Variants in ISM2 observed in about 807,000 individuals in gnomAD.
The protein encoded by ISM2 is isthmin 2.
Under a neutral mutation model 58.0 loss-of-function variants are expected in ISM2, and 50 were observed. The ratio of observed to expected loss-of-function variants is 0.86; its 90% CI spans 0.69 to 1.09. The LOEUF (loss-of-function observed/expected upper bound fraction) is 1.09. Among genes scored for constraint, ISM2 ranks in the 50% least tolerant of loss-of-function variants. The probability of loss-of-function intolerance (pLI) is 0.00; values close to 1 mark genes in which losing one functional copy is unlikely to be tolerated. For missense variants in ISM2, 723 were observed against 745.0 expected (o/e 0.97, Z 0.34); for synonymous variants, 303 against 312.4 (o/e 0.97, Z 0.32).
At position 77,489,655 on chromosome 14, in the gene ISM2, G is replaced by T. The variant is rs1594952991; in HGVS notation, c.142-4736C>A. Among the ~76,000 whole-genome samples, 3 of 152,086 alleles carry T rather than the reference G, an allele frequency of 2.0e-5. No individual in the cohort carries two copies. The South Asian group carries it at 6.2e-4, about 32-fold the overall frequency. On this transcript the variant is annotated intron_variant, in intron 1 of 6. Coordinates refer to ENST00000342219, the MANE Select transcript of ISM2 (RefSeq NM_199296.3). ...CAGCCTCCTGAGTAGCTGGGATTAG[G>T]TATGTACTATTCTAAGCCAACCCAC...
chr14:77,487,387 C>T (rs572015794), intron 1 of ISM2, among the ~76,000 whole-genome samples: 2 of 152,304 alleles, frequency 1.3e-5, no homozygotes, highest in East Asian at 3.9e-4. Flanking sequence ...AGAGAAGCCT[C>T]TGTGAGCTTC....
At chr14:77,498,405 A>T in intron 1 of ISM2, 3 of 1,274,220 alleles carry the variant, frequency 2.4e-6, no homozygotes, top group Non-Finnish European at 3.2e-6. Flanking sequence ...CACAGAAGTC[A>T]AACTTGTCAC....
In ISM2 at chr14:77,475,688, G is replaced by A. The variant is rs376932953; in HGVS notation, c.1623C>T (p.His541=). The change falls in exon 7 of 7, where the codon CAC becomes CAT. Residue 541 remains histidine, a synonymous_variant. Coordinates refer to ENST00000342219, the MANE Select transcript of ISM2 (RefSeq NM_199296.3). The surrounding 1 kb of genome is among the most constrained non-coding windows in gnomAD (Gnocchi z 4.1). ...ILCKGDWSRL[H]AVLPPNNGRA... is the part of the protein sequence containing the mutation. ...GGCCGTTGTTGGGAGGGAGCACAGC[G>A]TGGAGGCGGCTCCAGTCCCCCTTGC... 61 of 1,614,076 alleles carry A rather than the reference G, an allele frequency of 3.8e-5. No individual in the cohort carries two copies. The highest frequency in any genetic ancestry group is 5.0e-5 in the Admixed American group (3 of 60,018).
intron 1 of ISM2, among the ~76,000 whole-genome samples, chr14:77,490,767 G>T (rs1320994108): frequency 6.6e-6 from 1 of 152,214 alleles, no homozygotes; most frequent in Admixed American, 6.5e-5. Flanking sequence ...GATCGGAGAG[G>T]CTGGAGACTT....
intron 1 of ISM2, among the ~76,000 whole-genome samples, chr14:77,490,715 C>G (rs1000906936): frequency 6.6e-6 from 1 of 152,260 alleles, no homozygotes; most frequent in South Asian, 2.1e-4. Flanking sequence ...CAACTCTCCA[C>G]GTCCATCCTT....
chr14:77,493,887 T>C (rs1794842647), intron 1 of ISM2, among the ~76,000 whole-genome samples: 1 of 152,168 alleles, frequency 6.6e-6, no homozygotes, highest in Non-Finnish European at 1.5e-5. Context: ...TTCTCCTGCC[T>C]CAGCCTCCCG....
In ISM2 at chr14:77,481,971, G is replaced by A. The variant is rs769709759; in HGVS notation, c.973+351C>T. 1.1e-4 allele frequency among the ~76,000 whole-genome samples: 16 copies of A among 151,836 alleles called. No homozygotes were observed. The South Asian group carries it at 2.5e-3, about 24-fold the overall frequency. On this transcript the variant is annotated intron_variant, in intron 4 of 6. Transcript: ENST00000342219. ...AAAAATTAGCCTGCCCTGGTGGTATGCACCTGTGGTTCCAGCTATTCGGAG... is the reference window on the plus strand; with the variant it reads ...AAAAATTAGCCTGCCCTGGTGGTATACACCTGTGGTTCCAGCTATTCGGAG...
Position 77,478,609 on chromosome 14 carries a change from G to C in ISM2, c.1080C>G (p.Thr360=). 1.9e-6 allele frequency: 3 copies of C among 1,613,756 alleles called. No individual in the cohort carries two copies. The highest frequency in any genetic ancestry group is 2.5e-6 in the Non-Finnish European group (3 of 1,179,796). Residue 360 remains threonine, a synonymous_variant, in exon 5 of 7, where the codon ACC becomes ACG. Transcript: ENST00000342219. ...AGGGCAGGTCACAGGTACGGGTCTC[G>C]GTGGCAGTGCAGCCATAGCCACAGG... ...TRPCGYGCTA[T]ETRTCDLPSC...
At chr14:77,482,206 A>G in intron 4 of ISM2, 116 bp downstream of exon 4, 1 of 694,202 alleles carries the variant, frequency 1.4e-6, no homozygotes, top group Non-Finnish European at 2.5e-6. Flanking sequence ...ACAAGGCCTA[A>G]GCTCCTGGCT....
intron 5 of ISM2, 48 bp from the exon 6 acceptor site, chr14:77,478,373 G>A (rs2079111107): frequency 6.5e-7 from 1 of 1,544,996 alleles, no homozygotes; most frequent in Non-Finnish European, 8.9e-7. Flanking sequence ...GGCCACCTCA[G>A]TGCCGCTGAT....
chr14:77,497,790 G>T (rs542079083), intron 1 of ISM2, among the ~76,000 whole-genome samples: 10 of 134,370 alleles, frequency 7.4e-5, no homozygotes, highest in African/African-American at 3.0e-4. Flanking sequence ...AAGGAAGGAA[G>T]GAAGGAAGGA....
Position 77,478,255 on chromosome 14 carries a change from G to A in ISM2, c.1185C>T (p.Asp395=). ...CCCCTCACTCACCTTGATCATGCATGTCCGTAGCATTGCGGGCCAGGAGCT... is the reference window on the plus strand; with the variant it reads ...CCCCTCACTCACCTTGATCATGCATATCCGTAGCATTGCGGGCCAGGAGCT... ...EWKLLARNAT[D]MHDQDVDSCE... is the part of the protein sequence containing the mutation. Residue 395 remains aspartate (D), a synonymous_variant, in exon 6 of 7, where the codon GAC becomes GAT. Coordinates refer to ENST00000342219, the MANE Select transcript of ISM2 (RefSeq NM_199296.3). 1 of 1,614,064 alleles carries A rather than the reference G, an allele frequency of 6.2e-7. No homozygotes were observed. Among genetic ancestry groups the A allele is most frequent in the Non-Finnish European group, 8.5e-7 (1 of 1,179,924 alleles).
Position 77,491,976 on chromosome 14 carries a change from G to A in ISM2, c.141+6677C>T, listed in dbSNP as rs1184234654. 3.3e-5 allele frequency among the ~76,000 whole-genome samples: 5 copies of A among 151,462 alleles called. No homozygotes were observed. In the South Asian group the frequency reaches 8.4e-4, roughly 25 times the overall value. ...CTCCCAAAGTGCTAGGATTACAGGC[G>A]TGAGCCACCGCCCAGCCCCCCACCT... On this transcript the variant is annotated intron_variant, in intron 1 of 6. Transcript: ENST00000342219.
intron 1 of ISM2, among the ~76,000 whole-genome samples, chr14:77,489,460 G>A (rs1441811456): frequency 6.6e-6 from 1 of 152,184 alleles, no homozygotes; most frequent in Non-Finnish European, 1.5e-5. Context: ...AATAGCAATT[G>A]ACTCTTTAGT....
intron 4 of ISM2, 122 bp from the exon 5 acceptor site, chr14:77,478,837 G>A: frequency 1.0e-6 from 1 of 985,096 alleles, no homozygotes; most frequent in Non-Finnish European, 1.5e-6. Flanking sequence ...CCAGCCTCAT[G>A]AATGAAGCTG....
At chr14:77,483,635 CGTGTGTGCGTGT>C (rs2079147230) in intron 3 of ISM2, among the ~76,000 whole-genome samples, 1 of 149,656 alleles carries the variant, frequency 6.7e-6, no homozygotes, top group Admixed American at 6.6e-5. Flanking sequence ...TGTGCGTGTG[CGTGTGTGCGTGT>C]GTGTGTGTGT....
At chr14:77,482,224 T>C (rs761092790) in intron 4 of ISM2, 98 bp downstream of exon 4, 1 of 837,620 alleles carries the variant, frequency 1.2e-6, no homozygotes, top group Non-Finnish European at 1.9e-6. Flanking sequence ...GCTTCCTCAA[T>C]GGTCTTGCCT....
At chr14:77,490,502 G>A (rs2079196731) in intron 1 of ISM2, among the ~76,000 whole-genome samples, 1 of 152,242 alleles carries the variant, frequency 6.6e-6, no homozygotes. Context: ...TGCAGCCAAG[G>A]ATCAGAGAGG....
intron 1 of ISM2, among the ~76,000 whole-genome samples, chr14:77,491,687 T>C (rs2079205610): frequency 7.1e-6 from 1 of 140,182 alleles, no homozygotes; most frequent in African/African-American, 2.6e-5. Context: ...CCACCGCGTC[T>C]GGTCTTTTTT....
Sources: allele counts gnomAD v4.1 joint callset (sites outside exome capture counted in the v4.1 genomes callset), GRCh38; gene constraint gnomAD v4.1.1; non-coding constraint Gnocchi (gnomAD v3.1); transcripts MANE v1.5; gene names NCBI Gene and HGNC (gene_info 2026-07-23, HGNC 2026-07-21).